The following ZNF652 variants were observed in gnomAD, a reference collection of about 807,000 sequenced individuals.
ZNF652 encodes the protein zinc finger protein 652.
A neutral mutation model predicts 45.2 loss-of-function variants in ZNF652; 16 were observed. That is an observed-to-expected ratio of 0.35 (90% confidence interval 0.24 to 0.54). The LOEUF (loss-of-function observed/expected upper bound fraction) is 0.54. Among genes scored for constraint, ZNF652 ranks in the 20% least tolerant of loss-of-function variants. The probability of loss-of-function intolerance (pLI) is 0.91; values close to 1 mark genes in which losing one functional copy is unlikely to be tolerated. For synonymous variants in ZNF652, 250 were observed against 260.6 expected (o/e 0.96, Z 0.39); for missense variants, 614 against 765.6 (o/e 0.80, Z 2.34).
chr17:49,351,276 C>T (rs1314130165), intron 1 of ZNF652, among the ~76,000 whole-genome samples: 1 of 151,550 alleles, frequency 6.6e-6, no homozygotes, highest in Non-Finnish European at 1.5e-5. Flanking sequence ...GATTACAGAT[C>T]ATAACACTAT....
intron 1 of ZNF652, among the ~76,000 whole-genome samples, chr17:49,345,106 T>A (rs1452392396): frequency 6.6e-6 from 1 of 152,166 alleles, no homozygotes; most frequent in Non-Finnish European, 1.5e-5. Flanking sequence ...ATAACTGCTA[T>A]GCGCTCTTCT....
chr17:49,309,454 A>G (rs1409983003), intron 5 of ZNF652, among the ~76,000 whole-genome samples: 1 of 150,786 alleles, frequency 6.6e-6, no homozygotes, highest in African/African-American at 2.4e-5. Flanking sequence ...GGCTGCAGTG[A>G]GCCAAGATTG....
At chr17:49,304,694 A>G (rs1156962669) in intron 5 of ZNF652, among the ~76,000 whole-genome samples, 2 of 152,174 alleles carry the variant, frequency 1.3e-5, no homozygotes, top group Non-Finnish European at 2.9e-5. Flanking sequence ...CTAATTGTAC[A>G]GCAATGTAAT....
intron 1 of ZNF652, among the ~76,000 whole-genome samples, chr17:49,345,824 G>C (rs2070199133): frequency 7.0e-6 from 1 of 141,850 alleles, no homozygotes; most frequent in Non-Finnish European, 1.5e-5. Flanking sequence ...CTGGGCGAAA[G>C]AGCGAGACTC....
chr17:49,320,076 T>G (rs990269265), intron 1 of ZNF652, among the ~76,000 whole-genome samples: 1 of 152,164 alleles, frequency 6.6e-6, no homozygotes, highest in African/African-American at 2.4e-5. Context: ...AGATATTACC[T>G]TGTCTTTCTC....
At position 49,289,797 on chromosome 17, in the gene ZNF652, C is replaced by T. The variant is rs909682793; in HGVS notation, c.*8616G>A. 1 of 152,312 alleles carries T rather than the reference C, an allele frequency of 6.6e-6. No individual in the cohort carries two copies. Among genetic ancestry groups the T allele is most frequent in the Non-Finnish European group, 1.5e-5 (1 of 68,098 alleles). 9.4% of individuals were successfully genotyped at this position (152,312 alleles called of 1,614,324 possible). A position where few individuals can be genotyped will look rare whatever the true frequency, so the allele number is the denominator to read the frequency against. Reference sequence around the variant, plus strand: ...AGAGAGGTAGGAGAGGGACACTGCCCCATTCTGGACTTGACATAAGTACCC... The same window carrying T: ...AGAGAGGTAGGAGAGGGACACTGCCTCATTCTGGACTTGACATAAGTACCC... On this transcript the variant is annotated 3_prime_UTR_variant, in exon 6 of 6. Coordinates refer to ENST00000430262, the MANE Select transcript of ZNF652 (RefSeq NM_001145365.3).
At position 49,312,758 on chromosome 17, in the gene ZNF652, A is replaced by G; in HGVS notation, c.988T>C (p.Ser330Pro). Residue 330 changes from serine (S) to proline (P), a missense_variant, in exon 3 of 6, where the codon TCC (serine) becomes CCC (proline). Physicochemically the swap from Ser to Pro is moderately conservative, Grantham distance 74. Transcript: ENST00000430262. ...AATTTCTTCTCACAAATTTCACAGG[A>G]AAATTTCTTTTCTGCATATCCATGG... The part of the protein sequence containing the change: ...IVHGYAEKKF[S>P]CEICEKKFYT... 1 of 1,614,182 alleles carries G rather than the reference A, an allele frequency of 6.2e-7. No individual in the cohort carries two copies. The highest frequency in any genetic ancestry group is 8.5e-7 in the Non-Finnish European group (1 of 1,180,030).
chr17:49,343,889 T>C (rs781251351), intron 1 of ZNF652, among the ~76,000 whole-genome samples: 56 of 152,016 alleles, frequency 3.7e-4, no homozygotes, highest in Admixed American at 7.2e-4. Context: ...ACTTAATCTC[T>C]ACAAAAAACT....
In ZNF652 at chr17:49,317,414, CTCT is replaced by C. The variant is rs1567922827; in HGVS notation, c.309_311del (p.Glu109del). On this transcript the variant is annotated inframe_deletion, in exon 2 of 6. Transcript: ENST00000430262. ...TGTAAGAGACTTCTTCCTCTTCCTC[CTCT>C]GTGTCATCAGAATTCTCCCGGTCTT... The C allele has an allele frequency of 6.2e-7, 1 of 1,614,132 alleles. No individual in the cohort carries two copies. The highest frequency in any genetic ancestry group is 1.7e-5 in the Admixed American group (1 of 60,012).
At chr17:49,354,711 A>G (rs1598319658) in intron 1 of ZNF652, among the ~76,000 whole-genome samples, 1 of 151,832 alleles carries the variant, frequency 6.6e-6, no homozygotes, top group South Asian at 2.1e-4. Context: ...TCTGAAAGTT[A>G]CCTAGCTTAT....
At chr17:49,325,393 T>C (rs764275933) in intron 1 of ZNF652, among the ~76,000 whole-genome samples, 124 of 152,218 alleles carry the variant, frequency 8.1e-4, no homozygotes, top group Non-Finnish European at 5.7e-4. Context: ...TATATGAGTA[T>C]GGTTTCTAGC....
intron 1 of ZNF652, among the ~76,000 whole-genome samples, chr17:49,349,939 GTA>G (rs572041472): frequency 6.6e-6 from 1 of 152,074 alleles, no homozygotes; most frequent in Non-Finnish European, 1.5e-5. Flanking sequence ...ATTATATATA[GTA>G]TATATATGTG....
intron 1 of ZNF652, among the ~76,000 whole-genome samples, chr17:49,339,310 C>CTTTTT (rs36110074): frequency 9.0e-6 from 1 of 110,976 alleles, no homozygotes; most frequent in Non-Finnish European, 1.8e-5. Flanking sequence ...TCAAGTGATT[C>CTTTTT]TTTTTTTTTT....
chr17:49,320,343 T>C (rs1449185859), intron 1 of ZNF652, among the ~76,000 whole-genome samples: 1 of 152,238 alleles, frequency 6.6e-6, no homozygotes, highest in African/African-American at 2.4e-5. Flanking sequence ...CTACCATGTT[T>C]TACTTGACAT....
chr17:49,334,883 G>C (rs2070064010), intron 1 of ZNF652, among the ~76,000 whole-genome samples: 1 of 151,964 alleles, frequency 6.6e-6, no homozygotes, highest in Non-Finnish European at 1.5e-5. Context: ...AGGCTACCTA[G>C]TTGTATGACT....
At chr17:49,288,961 C>T (rs907173604), downstream of ZNF652, among the ~76,000 whole-genome samples, 2 of 152,126 alleles carry the variant, frequency 1.3e-5, no homozygotes, top group Non-Finnish European at 2.9e-5. Flanking sequence ...AACCAAACAG[C>T]GCTGCAAAGA....
At chr17:49,312,573 G>T (rs6504604) in intron 3 of ZNF652, 125 bp downstream of exon 3, 223,665 of 966,074 alleles carry the variant, frequency 0.23, 26,845 homozygotes, top group South Asian at 0.32. Context: ...AAGACATAAT[G>T]CATTCAGTTT....
intron 1 of ZNF652, among the ~76,000 whole-genome samples, chr17:49,338,446 G>A (rs745413634): frequency 1.3e-5 from 2 of 152,182 alleles, no homozygotes; most frequent in African/African-American, 2.4e-5. Flanking sequence ...CAGAGCAGAA[G>A]GGCGAAAAGA....
intron 1 of ZNF652, among the ~76,000 whole-genome samples, chr17:49,344,944 C>CACCT (rs1324201160): frequency 2.6e-5 from 4 of 152,146 alleles, no homozygotes; most frequent in African/African-American, 4.8e-5. Context: ...CCCCAACTCC[C>CACCT]ACCTAATCCC....
Sources: allele counts gnomAD v4.1 joint callset (sites outside exome capture counted in the v4.1 genomes callset), GRCh38; gene constraint gnomAD v4.1.1; transcripts MANE v1.5; gene names NCBI Gene and HGNC (gene_info 2026-07-23, HGNC 2026-07-21).